The following MTCL1 variants were observed in gnomAD, a reference collection of about 807,000 sequenced individuals.
The protein encoded by MTCL1 is microtubule crosslinking factor 1.
MTCL1 carries 79 observed loss-of-function variants against 141.4 expected under a neutral mutation model. The observed-to-expected ratio is 0.56, with a 90% CI of 0.47 to 0.67. The LOEUF (loss-of-function observed/expected upper bound fraction) is 0.67, where lower values mean the gene tolerates loss of function less well. MTCL1 is among the 30% of genes least tolerant of loss of function. The probability of loss-of-function intolerance (pLI) is 0.00; values close to 1 mark genes in which losing one functional copy is unlikely to be tolerated. For missense variants in MTCL1, 2,177 were observed against 2,113.9 expected (o/e 1.03, Z -0.59); for synonymous variants, 914 against 875.8 (o/e 1.04, Z -0.77).
intron 13 of MTCL1, 79 bp downstream of exon 12, chr18:8,819,338 A>T: frequency 6.8e-7 from 1 of 1,473,794 alleles, no homozygotes. Context: ...CATCTGCCAG[A>T]TTCCTCTCCT....
At chr18:8,801,451 T>A (rs11873730) in intron 10 of MTCL1, among the ~76,000 whole-genome samples, 14,305 of 152,224 alleles carry the variant, frequency 0.094, 900 homozygotes, top group Admixed American at 0.15. Flanking sequence ...CTACTCTTTC[T>A]GTAAGAGGAA....
intron 4 of MTCL1, among the ~76,000 whole-genome samples, chr18:8,769,123 G>A (rs2096473772): frequency 6.6e-6 from 1 of 152,152 alleles, no homozygotes; most frequent in African/African-American, 2.4e-5. Flanking sequence ...AAAAGACACA[G>A]CCTTATATTC....
intron 4 of MTCL1, among the ~76,000 whole-genome samples, chr18:8,774,677 A>G (rs1028833182): frequency 1.4e-4 from 21 of 152,172 alleles, no homozygotes; most frequent in Admixed American, 1.1e-3. Context: ...TAGTAGAGAC[A>G]GAGTTTCACC....
At chr18:8,756,202 G>T (rs2148975635) in intron 4 of MTCL1, among the ~76,000 whole-genome samples, 1 of 152,262 alleles carries the variant, frequency 6.6e-6, no homozygotes, top group Non-Finnish European at 1.5e-5. Flanking sequence ...TTGTAGGTCA[G>T]GGCCTTTCTG....
exon 6 of MTCL1, chr18:8,783,828 T>C (rs372483390): frequency 1.9e-6 from 3 of 1,613,174 alleles, no homozygotes; most frequent in Admixed American, 1.7e-5. Flanking sequence ...AAGGCAGAGA[T>C]GGAGGACATG....
rs559872048 is a variant in MTCL1, at chr18:8,797,490, G to A, written c.2242-607G>A. On this transcript the variant is annotated intron_variant, in intron 9 of 16. Coordinates refer to ENST00000359865, the Ensembl canonical transcript of MTCL1. ...GCTTCCTGGCACACCCGGGGCTGGC[G>A]CCACTGGCGTTCTGTGTATTCTGTA... Among the ~76,000 whole-genome samples the A allele has an allele frequency of 3.3e-5, 5 of 152,358 alleles. No individual in the cohort carries two copies. In the South Asian group the frequency reaches 8.3e-4, roughly 25 times the overall value.
chr18:8,830,529 C>T lies in MTCL1; in HGVS notation c.*19-1078C>T. 4 of 986,428 alleles carry T rather than the reference C, an allele frequency of 4.1e-6. No homozygotes were observed. Among genetic ancestry groups the T allele is most frequent in the Non-Finnish European group, 4.8e-6 (4 of 830,664 alleles). 61.1% of individuals were successfully genotyped at this position (986,428 alleles called of 1,614,324 possible). A position where few individuals can be genotyped will look rare whatever the true frequency, so the allele number is the denominator to read the frequency against. On this transcript the variant is annotated intron_variant, in intron 16 of 16. Coordinates refer to ENST00000359865, the Ensembl canonical transcript of MTCL1. This position sits in a 1 kb window ranked among gnomAD's most constrained non-coding sequence, Gnocchi z 6.4. ...CGTGCAGCCGTCTGTCCTTCCCCCGCTGCTGCTCCCCTGCACCACTGGCTG... is the reference window on the plus strand; with the variant it reads ...CGTGCAGCCGTCTGTCCTTCCCCCGTTGCTGCTCCCCTGCACCACTGGCTG...
exon 15 of MTCL1, chr18:8,825,215 C>A: frequency 6.3e-7 from 1 of 1,595,818 alleles, no homozygotes. Context: ...AACCCATGCT[C>A]AGCAGGTGGC....
chr18:8,731,253 A>G lies in MTCL1; in HGVS notation c.357+10757A>G, dbSNP rs189238987. Among the ~76,000 whole-genome samples, 275 of 151,830 alleles carry G rather than the reference A, an allele frequency of 1.8e-3. 4 individuals carry two copies. The highest frequency in any genetic ancestry group is 6.3e-3 in the African/African-American group (261 of 41,252). On this transcript the variant is annotated intron_variant, in intron 4 of 16. Transcript: ENST00000359865. ...GAGCAAGACTCCATCTCAAAAAAAG[A>G]TAAAAAAGTAAAAAATAATAATAAT...
At chr18:8,831,313 C>T (rs1395977363) in intron 16 of MTCL1, 159 of 1,216,002 alleles carry the variant, frequency 1.3e-4, no homozygotes, top group Non-Finnish European at 1.6e-4. Context: ...CTGTGTCATG[C>T]CTTCTGTATA....
At chr18:8,825,280 T>C (rs1036519063) in exon 15 of MTCL1, 1 of 1,561,442 alleles carries the variant, frequency 6.4e-7, no homozygotes. Context: ...CGGCGCCCCC[T>C]TGATAGTCCC....
At chr18:8,782,295 T>C (rs1168937022) in intron 5 of MTCL1, 1 of 152,216 alleles carries the variant, frequency 6.6e-6, no homozygotes, top group East Asian at 1.9e-4. Flanking sequence ...GCAGTGCTGT[T>C]GTTGACAGTT....
intron 4 of MTCL1, among the ~76,000 whole-genome samples, chr18:8,725,790 C>CTTTTTTTTTTTTTTTTTTT (rs796484848): frequency 2.6e-4 from 16 of 61,088 alleles, no homozygotes; most frequent in East Asian, 3.8e-4. Context: ...TTTTTTTTTT[C>CTTTTTTTTTTTTTTTTTTT]TTTTTTTTTT....
intron 5 of MTCL1, among the ~76,000 whole-genome samples, chr18:8,781,765 G>A (rs2096533351): frequency 6.6e-6 from 1 of 152,232 alleles, no homozygotes; most frequent in Admixed American, 6.5e-5. Context: ...GGGGCTCTGT[G>A]ATGAGCCCAG....
At chr18:8,717,023 T>G (rs2096132882), upstream of MTCL1, among the ~76,000 whole-genome samples, 1 of 152,196 alleles carries the variant, frequency 6.6e-6, no homozygotes, top group Non-Finnish European at 1.5e-5. Flanking sequence ...CGTGCAGTTG[T>G]GTCTGATGTT....
exon 17 of MTCL1, chr18:8,832,002 A>G (rs1200715749): frequency 1.5e-6 from 1 of 669,980 alleles, no homozygotes; most frequent in Non-Finnish European, 2.5e-6. Flanking sequence ...GCCTGTAATA[A>G]CTTAATTTTT....
At chr18:8,713,859 C>G (rs1222615672), upstream of MTCL1, among the ~76,000 whole-genome samples, 1 of 152,200 alleles carries the variant, frequency 6.6e-6, no homozygotes, top group South Asian at 2.1e-4. Flanking sequence ...AGGAAGATCA[C>G]TTGAGCCCAG....
At chr18:8,717,995 T>A (rs2096141005) in intron 2 of MTCL1, 2 of 1,019,150 alleles carry the variant, frequency 2.0e-6, no homozygotes, top group Non-Finnish European at 2.4e-6. Flanking sequence ...TTAGCACTTG[T>A]TATCCTACTG....
Position 8,816,911 on chromosome 18 carries a change from T to G in MTCL1, c.2860-2052T>G, listed in dbSNP as rs187376523. Among the ~76,000 whole-genome samples the G allele has an allele frequency of 2.2e-4, 34 of 152,328 alleles. No individual in the cohort carries two copies. In the East Asian group the frequency reaches 4.1e-3, roughly 18 times the overall value. ...GAAACCCTCCCTCTCTGAGGACTCG[T>G]TCTATTACAACACCCCAGAGGCATC... On this transcript the variant is annotated intron_variant, in intron 12 of 16. Coordinates refer to ENST00000359865, the Ensembl canonical transcript of MTCL1.
Sources: allele counts gnomAD v4.1 joint callset (sites outside exome capture counted in the v4.1 genomes callset), GRCh38; gene constraint gnomAD v4.1.1; non-coding constraint Gnocchi (gnomAD v3.1); transcripts MANE v1.5; gene names NCBI Gene and HGNC (gene_info 2026-07-23, HGNC 2026-07-21).